Variants in FAT3 observed in about 807,000 individuals in gnomAD.
The protein encoded by FAT3 is FAT atypical cadherin 3, also known as protocadherin Fat 3.
FAT3 carries 95 observed loss-of-function variants against 310.2 expected under a neutral mutation model. That is an observed-to-expected ratio of 0.31 (90% CI 0.26 to 0.36). The LOEUF is 0.36. Ranked by LOEUF, FAT3 falls within the 10% of genes least tolerant of loss-of-function variation. The probability of loss-of-function intolerance (pLI) is 1.00; values close to 1 mark genes in which losing one functional copy is unlikely to be tolerated. For missense variants in FAT3, 5,408 were observed against 5,715.6 expected (o/e 0.95, Z 1.74); for synonymous variants, 2,314 against 2,192.9 (o/e 1.06, Z -1.54).
At chr11:92,364,476 G>T (rs943508598) in intron 2 of FAT3, among the ~76,000 whole-genome samples, 2 of 152,202 alleles carry the variant, frequency 1.3e-5, no homozygotes, top group Non-Finnish European at 2.9e-5. Flanking sequence ...TTTTCTGCTA[G>T]TGTTTTGTAC....
At chr11:92,391,666 T>C (rs1386040110) in intron 2 of FAT3, among the ~76,000 whole-genome samples, 2 of 152,206 alleles carry the variant, frequency 1.3e-5, no homozygotes, top group Non-Finnish European at 2.9e-5. Flanking sequence ...TTTGTCCACT[T>C]TTCATTCAGT....
intron 1 of FAT3, among the ~76,000 whole-genome samples, chr11:92,306,576 A>ATATAT (rs1947126242): frequency 8.1e-6 from 1 of 124,038 alleles, no homozygotes; most frequent in Non-Finnish European, 1.6e-5. Context: ...ATTATATATT[A>ATATAT]TATATATTTA....
intron 1 of FAT3, among the ~76,000 whole-genome samples, chr11:92,303,346 A>G (rs1892925): frequency 0.71 from 107,966 of 151,910 alleles, 38,676 homozygotes; most frequent in African/African-American, 0.8. Context: ...CATGATAAGC[A>G]TTATTTTCTC....
At chr11:92,239,165 A>C (rs1010149572) in intron 1 of FAT3, among the ~76,000 whole-genome samples, 3 of 152,054 alleles carry the variant, frequency 2.0e-5, no homozygotes, top group African/African-American at 7.2e-5. Context: ...AGGTGTCAGA[A>C]TAGGATCCTA....
chr11:92,588,539 T>C (rs985510684), intron 3 of FAT3, among the ~76,000 whole-genome samples: 1 of 152,082 alleles, frequency 6.6e-6, no homozygotes, highest in African/African-American at 2.4e-5. Context: ...ATAATAGTCC[T>C]ACTTTGGAAC....
intron 2 of FAT3, among the ~76,000 whole-genome samples, chr11:92,381,925 G>A (rs987750208): frequency 3.3e-5 from 5 of 152,264 alleles, no homozygotes; most frequent in African/African-American, 1.2e-4. Context: ...ACATTGGTGG[G>A]TAGTTTTTGT....
At chr11:92,400,427 T>C (rs1260855816) in intron 2 of FAT3, 1 of 152,150 alleles carries the variant, frequency 6.6e-6, no homozygotes, top group Non-Finnish European at 1.5e-5. Flanking sequence ...ATAGACCTAA[T>C]ATTCAGAAGA....
chr11:92,521,049 T>A (rs1194608357), intron 2 of FAT3, among the ~76,000 whole-genome samples: 1 of 152,114 alleles, frequency 6.6e-6, no homozygotes, highest in Non-Finnish European at 1.5e-5. Flanking sequence ...TATACCATCT[T>A]CCTGTTTGAC....
chr11:92,547,157 T>C (rs1193910424), intron 3 of FAT3, among the ~76,000 whole-genome samples: 4 of 152,152 alleles, frequency 2.6e-5, no homozygotes, highest in Non-Finnish European at 2.9e-5. Context: ...CTGGAAGCTT[T>C]ACTGTAAACC....
At chr11:92,281,903 A>G (rs184226746) in intron 1 of FAT3, among the ~76,000 whole-genome samples, 2 of 151,972 alleles carry the variant, frequency 1.3e-5, no homozygotes, top group East Asian at 3.9e-4. Flanking sequence ...TTGTGCAAAC[A>G]TTATCCCTTC....
rs1279483298 is a variant in FAT3, at chr11:92,394,236, A to G, written c.3292+38832A>G. 8.5e-5 allele frequency among the ~76,000 whole-genome samples: 13 copies of G among 152,310 alleles called. 1 individual carries two copies. In the South Asian group the frequency reaches 2.1e-3, roughly 24 times the overall value. ...GTAATCTCAGTACTTTGGGAGGCCA[A>G]TGCAGGCAGATCGCTTGAGCCCAGC... On this transcript the variant is annotated intron_variant, in intron 2 of 27. Transcript: ENST00000525166.
At chr11:92,567,031 A>G (rs553745114) in intron 3 of FAT3, among the ~76,000 whole-genome samples, 1 of 152,342 alleles carries the variant, frequency 6.6e-6, no homozygotes, top group East Asian at 1.9e-4. Context: ...GCCAAAATTG[A>G]CAAATGGGAT....
At chr11:92,851,661 G>A (rs947193812) in intron 19 of FAT3, among the ~76,000 whole-genome samples, 5 of 152,140 alleles carry the variant, frequency 3.3e-5, no homozygotes, top group African/African-American at 1.2e-4. Flanking sequence ...CAGTTGGTTT[G>A]ATGAAGTGGG....
At chr11:92,652,901 G>T (rs12273686) in intron 3 of FAT3, among the ~76,000 whole-genome samples, 1,954 of 152,232 alleles carry the variant, frequency 0.013, 39 homozygotes, top group African/African-American at 0.044. Context: ...AGTGGCTCAC[G>T]CCTGTAATCC....
intron 2 of FAT3, among the ~76,000 whole-genome samples, chr11:92,418,570 G>A (rs1412266951): frequency 6.6e-6 from 1 of 151,744 alleles, no homozygotes; most frequent in Admixed American, 6.6e-5. Context: ...AAGGCTATGA[G>A]CACCTTTGGT....
intron 1 of FAT3, among the ~76,000 whole-genome samples, chr11:92,274,807 C>G (rs1162994292): frequency 6.6e-6 from 1 of 152,044 alleles, no homozygotes; most frequent in Admixed American, 6.6e-5. Flanking sequence ...TTGACCTTCT[C>G]TATGAGTCTG....
intron 2 of FAT3, among the ~76,000 whole-genome samples, chr11:92,517,534 A>G (rs533600346): frequency 6.6e-6 from 1 of 152,320 alleles, no homozygotes; most frequent in Admixed American, 6.5e-5. Flanking sequence ...AAGAAAACCT[A>G]GGCAATACCA....
At chr11:92,543,161 C>T (rs541823) in intron 3 of FAT3, among the ~76,000 whole-genome samples, 57,383 of 151,792 alleles carry the variant, frequency 0.38, 11,775 homozygotes, top group Middle Eastern at 0.53. Flanking sequence ...ATAGTGGTTG[C>T]CAGAGGCTTA....
chr11:92,831,393 A>G (rs1948244448), intron 13 of FAT3, among the ~76,000 whole-genome samples: 1 of 152,146 alleles, frequency 6.6e-6, no homozygotes, highest in Non-Finnish European at 1.5e-5. Context: ...ATATCCAACT[A>G]TTTCTGATAT....
Sources: allele counts gnomAD v4.1 joint callset (sites outside exome capture counted in the v4.1 genomes callset), GRCh38; gene constraint gnomAD v4.1.1; transcripts MANE v1.5; gene names NCBI Gene and HGNC (gene_info 2026-07-23, HGNC 2026-07-21).